The following PTPRN2 variants were observed in gnomAD, a reference collection of about 807,000 sequenced individuals.
PTPRN2 encodes protein tyrosine phosphatase receptor type N2.
PTPRN2 carries 74 observed loss-of-function variants against 118.8 expected under a neutral mutation model. The ratio of observed to expected loss-of-function variants is 0.62; its 90% CI spans 0.52 to 0.76. PTPRN2 has a LOEUF of 0.76. Ranked by LOEUF, PTPRN2 falls within the 30% of genes least tolerant of loss-of-function variation. The probability of loss-of-function intolerance (pLI) is 0.00; values close to 1 mark genes in which losing one functional copy is unlikely to be tolerated. For missense variants in PTPRN2, 1,481 were observed against 1,394.4 expected, an observed-to-expected ratio of 1.06 and a Z score of -0.99; for synonymous variants, 641 against 608.0, an observed-to-expected ratio of 1.05 and a Z score of -0.80.
intron 2 of PTPRN2, among the ~76,000 whole-genome samples, chr7:158,480,570 G>A (rs929047775): frequency 7.2e-5 from 11 of 152,276 alleles, no homozygotes; most frequent in Admixed American, 3.9e-4. Flanking sequence ...AAGCCATGCC[G>A]AAAGCCAAGA....
At chr7:157,800,970 C>CATAT (rs544277905) in intron 12 of PTPRN2, among the ~76,000 whole-genome samples, 12 of 149,250 alleles carry the variant, frequency 8.0e-5, no homozygotes, top group African/African-American at 3.0e-4. Flanking sequence ...TATATATATA[C>CATAT]ATATATATAT....
At chr7:157,809,387 G>A (rs977430743) in intron 12 of PTPRN2, among the ~76,000 whole-genome samples, 7 of 152,120 alleles carry the variant, frequency 4.6e-5, no homozygotes, top group African/African-American at 9.7e-5. Context: ...AGCCCTGAGC[G>A]AGGTGTGGAA....
chr7:158,389,093 G>A (rs1811726156), intron 2 of PTPRN2, among the ~76,000 whole-genome samples: 3 of 152,198 alleles, frequency 2.0e-5, no homozygotes, highest in African/African-American at 4.8e-5. Context: ...GCAGTGCCTG[G>A]GCCTCAAAGT....
intron 22 of PTPRN2, among the ~76,000 whole-genome samples, chr7:157,548,588 C>G (rs1184743735): frequency 6.6e-6 from 1 of 152,246 alleles, no homozygotes; most frequent in Non-Finnish European, 1.5e-5. Flanking sequence ...CCGGGCAGCG[C>G]TCAGAGAGCT....
intron 1 of PTPRN2, among the ~76,000 whole-genome samples, chr7:158,548,562 G>C (rs577058115): frequency 3.9e-5 from 6 of 152,324 alleles, no homozygotes; most frequent in South Asian, 4.1e-4. Context: ...CTGGCTGCAA[G>C]CACATTTCTT....
chr7:158,054,010 T>TAGAGACGCAGAGACTCC (rs548099111), intron 11 of PTPRN2, among the ~76,000 whole-genome samples: 5 of 85,316 alleles, frequency 5.9e-5, no homozygotes, highest in Non-Finnish European at 1.3e-4. Context: ...GCAGAGACCC[T>TAGAGACGCAGAGACTCC]AGAGACGCAG....
chr7:158,386,961 C>G (rs1272971380), intron 2 of PTPRN2, among the ~76,000 whole-genome samples: 1 of 152,226 alleles, frequency 6.6e-6, no homozygotes, highest in Non-Finnish European at 1.5e-5. Context: ...GATCACCCAC[C>G]TAAGCACTCG....
At chr7:157,613,116 C>T (rs1236430905) in intron 15 of PTPRN2, among the ~76,000 whole-genome samples, 1 of 152,168 alleles carries the variant, frequency 6.6e-6, no homozygotes. Context: ...GGGACAGGCC[C>T]GGCCCCGTCT....
intron 5 of PTPRN2, among the ~76,000 whole-genome samples, chr7:158,177,350 G>A (rs1344025036): frequency 6.6e-6 from 1 of 151,986 alleles, no homozygotes; most frequent in Non-Finnish European, 1.5e-5. Context: ...GCCTTCATTG[G>A]CCATTTGTAT....
At chr7:157,913,652 T>C (rs1166736386) in intron 11 of PTPRN2, among the ~76,000 whole-genome samples, 1 of 152,250 alleles carries the variant, frequency 6.6e-6, no homozygotes, top group African/African-American at 2.4e-5. Flanking sequence ...ATAATAATTT[T>C]TTTCTCTTTT....
chr7:157,759,271 A>G (rs1284887789), intron 12 of PTPRN2, among the ~76,000 whole-genome samples: 1 of 152,310 alleles, frequency 6.6e-6, no homozygotes, highest in African/African-American at 2.4e-5. Flanking sequence ...TCAATGCAGC[A>G]CCGTGTCCAC....
intron 2 of PTPRN2, among the ~76,000 whole-genome samples, chr7:158,329,532 G>A (rs1229976467): frequency 7.9e-5 from 12 of 152,158 alleles, no homozygotes. Flanking sequence ...CACGTGAGGA[G>A]GCACCGTCGA....
At chr7:158,291,052 G>C (rs1800090061) in intron 3 of PTPRN2, among the ~76,000 whole-genome samples, 1 of 152,246 alleles carries the variant, frequency 6.6e-6, no homozygotes, top group African/African-American at 2.4e-5. Context: ...AGGATGCAGA[G>C]ATGGGGCATT....
At chr7:158,323,922 C>T (rs561052454) in intron 2 of PTPRN2, among the ~76,000 whole-genome samples, 3 of 152,188 alleles carry the variant, frequency 2.0e-5, no homozygotes, top group South Asian at 4.2e-4. Context: ...GGGACACTCA[C>T]ACATACACAC....
At chr7:158,225,868 A>C (rs1279539836) in intron 3 of PTPRN2, among the ~76,000 whole-genome samples, 11 of 148,132 alleles carry the variant, frequency 7.4e-5, no homozygotes, top group African/African-American at 2.5e-4. Context: ...CACTCAGGGG[A>C]TGGTGTATGA....
intron 10 of PTPRN2, among the ~76,000 whole-genome samples, chr7:158,106,235 C>T (rs73748067): frequency 0.27 from 40,939 of 151,908 alleles, 5,672 homozygotes; most frequent in South Asian, 0.4. Flanking sequence ...CTAGCTTCCC[C>T]GCAGCTCCCT....
chr7:158,080,892 G>C (rs1452841249), intron 11 of PTPRN2, among the ~76,000 whole-genome samples: 1 of 152,154 alleles, frequency 6.6e-6, no homozygotes, highest in African/African-American at 2.4e-5. Flanking sequence ...TCCTGGTCTG[G>C]TACAAAATGA....
At chr7:158,138,649 G>A (rs927828307) in intron 6 of PTPRN2, 134 bp from the exon 7 acceptor site, 10 of 728,760 alleles carry the variant, frequency 1.4e-5, no homozygotes, top group Non-Finnish European at 2.3e-5. Flanking sequence ...GCGCAGGCCA[G>A]TGCTCAGAGA....
intron 1 of PTPRN2, among the ~76,000 whole-genome samples, chr7:158,523,277 C>G (rs1824356236): frequency 6.6e-6 from 1 of 152,262 alleles, no homozygotes; most frequent in Admixed American, 6.5e-5. Flanking sequence ...CAGACACGTC[C>G]CACGGTGAGG....
Sources: allele counts gnomAD v4.1 joint callset (sites outside exome capture counted in the v4.1 genomes callset), GRCh38; gene constraint gnomAD v4.1.1; transcripts MANE v1.5; gene names NCBI Gene and HGNC (gene_info 2026-07-23, HGNC 2026-07-21).